Variants in TRPC6 observed in about 807,000 individuals in gnomAD.
The protein encoded by TRPC6 is short transient receptor potential channel 6.
A neutral mutation model predicts 90.7 loss-of-function variants in TRPC6; 55 were observed. That is an observed-to-expected ratio of 0.61 (90% CI 0.49 to 0.76). The LOEUF is 0.76. Among genes scored for constraint, TRPC6 ranks in the 30% least tolerant of loss-of-function variants. The probability of loss-of-function intolerance (pLI) is 0.00; values close to 1 mark genes in which losing one functional copy is unlikely to be tolerated. For synonymous variants in TRPC6, 393 were observed against 393.0 expected (o/e 1.00, Z 0.00); for missense variants, 989 against 1,122.7 (o/e 0.88, Z 1.70).
At chr11:101,548,263 A>ATATATATATATATATATATATATAATT (rs1477283991) in intron 1 of TRPC6, among the ~76,000 whole-genome samples, 11 of 82,772 alleles carry the variant, frequency 1.3e-4, no homozygotes, top group African/African-American at 5.6e-4. Context: ...ATATATATAC[A>ATATATATATATATATATATATATAATT]TATATATATA....
chr11:101,580,613 C>G (rs919023572), intron 1 of TRPC6, among the ~76,000 whole-genome samples: 1 of 151,620 alleles, frequency 6.6e-6, no homozygotes, highest in African/African-American at 2.4e-5. Flanking sequence ...TACTGAAGCC[C>G]CATTACTACT....
chr11:101,507,043 ACACACACAGACC>A (rs1446872018), intron 1 of TRPC6, among the ~76,000 whole-genome samples: 1,662 of 150,624 alleles, frequency 0.011, 30 homozygotes, highest in African/African-American at 0.039. Flanking sequence ...ACACACACAC[ACACACACAGACC>A]CCCTTCATGG....
Position 101,573,152 on chromosome 11 carries a change from G to A in TRPC6, c.170+10182C>T, listed in dbSNP as rs556106000. Reference sequence around the variant, plus strand: ...GACGTCCATAGAGGAAAGAATTGTAGAGATAAGGCCAATACACTGAAATCA... The same window carrying A: ...GACGTCCATAGAGGAAAGAATTGTAAAGATAAGGCCAATACACTGAAATCA... On this transcript the variant is annotated intron_variant, in intron 1 of 12. Coordinates refer to ENST00000344327, the MANE Select transcript of TRPC6 (RefSeq NM_004621.6). Among the ~76,000 whole-genome samples, 115 of 147,310 alleles carry A rather than the reference G, an allele frequency of 7.8e-4. No individual in the cohort carries two copies. In the Middle Eastern group the frequency reaches 0.011, roughly 14 times the overall value.
rs147349941 is a variant in TRPC6 at position 101,541,733 on chromosome 11, T to C, written c.171-36935A>G. Among the ~76,000 whole-genome samples, 4 of 152,336 alleles carry C rather than the reference T, an allele frequency of 2.6e-5. No homozygotes were observed. The East Asian group carries it at 7.7e-4, about 29-fold the overall frequency. ...GGATATCAGGCTGGAGGATGCCTTC[T>C]TCAATTGCTATGCAGTGCAAAAGAA... On this transcript the variant is annotated intron_variant, in intron 1 of 12. Coordinates refer to ENST00000344327, the MANE Select transcript of TRPC6 (RefSeq NM_004621.6).
chr11:101,502,862 C>A (rs1860162851), intron 2 of TRPC6, among the ~76,000 whole-genome samples: 1 of 152,092 alleles, frequency 6.6e-6, no homozygotes, highest in Admixed American at 6.6e-5. Flanking sequence ...ACATCTGATA[C>A]TGGGGTGAAA....
intron 2 of TRPC6, among the ~76,000 whole-genome samples, chr11:101,495,992 A>C (rs554347387): frequency 6.6e-6 from 1 of 152,150 alleles, no homozygotes; most frequent in African/African-American, 2.4e-5. Flanking sequence ...TGGGCTATAC[A>C]GGCTTCTGCT....
At chr11:101,571,415 A>T (rs866242019) in intron 1 of TRPC6, among the ~76,000 whole-genome samples, 1 of 152,202 alleles carries the variant, frequency 6.6e-6, no homozygotes, top group Non-Finnish European at 1.5e-5. Context: ...GGACAGAAAG[A>T]ATCAATATTG....
At chr11:101,534,925 G>A (rs1403280515) in intron 1 of TRPC6, among the ~76,000 whole-genome samples, 1 of 152,150 alleles carries the variant, frequency 6.6e-6, no homozygotes, top group Non-Finnish European at 1.5e-5. Flanking sequence ...AACTTTGGGA[G>A]GCCCAGTGAG....
intron 4 of TRPC6, among the ~76,000 whole-genome samples, chr11:101,485,643 G>A (rs1286542758): frequency 6.6e-6 from 1 of 151,852 alleles, no homozygotes; most frequent in Non-Finnish European, 1.5e-5. Flanking sequence ...GGCAATGACT[G>A]TTAGTGAAAT....
intron 5 of TRPC6, among the ~76,000 whole-genome samples, chr11:101,476,954 G>A (rs1396474483): frequency 6.6e-6 from 1 of 152,082 alleles, no homozygotes; most frequent in African/African-American, 2.4e-5. Context: ...CAGTGACCAT[G>A]AGAATGTGTC....
intron 1 of TRPC6, among the ~76,000 whole-genome samples, chr11:101,530,388 C>T (rs1341639838): frequency 6.6e-6 from 1 of 152,174 alleles, no homozygotes; most frequent in East Asian, 1.9e-4. Context: ...GATCCGTGAT[C>T]AGTTCTGCCT....
chr11:101,537,148 A>T (rs1207279855), intron 1 of TRPC6, among the ~76,000 whole-genome samples: 8 of 152,202 alleles, frequency 5.3e-5, no homozygotes, highest in Admixed American at 5.2e-4. Flanking sequence ...TGTTTAGAAA[A>T]TTTTAAGATA....
chr11:101,515,301 T>C (rs1197589468), intron 1 of TRPC6, among the ~76,000 whole-genome samples: 1 of 152,224 alleles, frequency 6.6e-6, no homozygotes, highest in Non-Finnish European at 1.5e-5. Context: ...TTTTTTTTGT[T>C]CGTTTGTTTT....
intron 2 of TRPC6, among the ~76,000 whole-genome samples, chr11:101,498,246 G>A (rs1009412144): frequency 1.3e-5 from 2 of 152,126 alleles, no homozygotes; most frequent in Admixed American, 6.6e-5. Flanking sequence ...CCAATTTTAA[G>A]CTTAAGATGG....
intron 1 of TRPC6, among the ~76,000 whole-genome samples, chr11:101,577,735 T>C (rs539553235): frequency 2.6e-5 from 4 of 152,116 alleles, no homozygotes; most frequent in Non-Finnish European, 5.9e-5. Context: ...GAAGAGCAGT[T>C]ATAGCCAGCC....
intron 1 of TRPC6, among the ~76,000 whole-genome samples, chr11:101,512,926 A>C (rs1591101385): frequency 6.6e-6 from 1 of 152,218 alleles, no homozygotes; most frequent in East Asian, 1.9e-4. Context: ...GAAAAAACAC[A>C]CTTCAATTAT....
intron 1 of TRPC6, among the ~76,000 whole-genome samples, chr11:101,572,572 AG>A (rs1279724726): frequency 6.6e-6 from 1 of 152,210 alleles, no homozygotes; most frequent in Non-Finnish European, 1.5e-5. Context: ...TGTTTATTGC[AG>A]CACTGTTCAC....
At chr11:101,553,175 G>A (rs958153943) in intron 1 of TRPC6, among the ~76,000 whole-genome samples, 2 of 152,042 alleles carry the variant, frequency 1.3e-5, no homozygotes, top group Non-Finnish European at 1.5e-5. Flanking sequence ...TCGTGAACCT[G>A]AGCCAGCTCT....
At chr11:101,494,312 T>C (rs1859893663) in intron 2 of TRPC6, among the ~76,000 whole-genome samples, 1 of 152,220 alleles carries the variant, frequency 6.6e-6, no homozygotes, top group Admixed American at 6.5e-5. Flanking sequence ...GTAGGGGTTC[T>C]TATTACTCTC....
Sources: allele counts gnomAD v4.1 joint callset (sites outside exome capture counted in the v4.1 genomes callset), GRCh38; gene constraint gnomAD v4.1.1; transcripts MANE v1.5; gene names NCBI Gene and HGNC (gene_info 2026-07-23, HGNC 2026-07-21).